Variants in ST6GALNAC5 observed in about 807,000 individuals in gnomAD.
ST6GALNAC5 encodes the protein alpha-N-acetylgalactosaminide alpha-2,6-sialyltransferase 5.
ST6GALNAC5 carries 27 observed loss-of-function variants against 33.6 expected under a neutral mutation model. That is an observed-to-expected ratio of 0.80 (90% CI 0.59 to 1.11). The LOEUF (loss-of-function observed/expected upper bound fraction) is 1.11, where lower values mean the gene tolerates loss of function less well. Among genes scored for constraint, ST6GALNAC5 ranks in the 50% least tolerant of loss-of-function variants. The probability of loss-of-function intolerance (pLI) is 0.00; values close to 1 mark genes in which losing one functional copy is unlikely to be tolerated. For synonymous variants in ST6GALNAC5, 194 were observed against 171.2 expected, an observed-to-expected ratio of 1.13 and a Z score of -1.04; for missense variants, 428 against 454.0, an observed-to-expected ratio of 0.94 and a Z score of 0.52.
chr1:76,873,037 A>G (rs1433062245), intron 2 of ST6GALNAC5, among the ~76,000 whole-genome samples: 1 of 152,238 alleles, frequency 6.6e-6, no homozygotes, highest in African/African-American at 2.4e-5. Context: ...GGTAATTTCA[A>G]GATATCACTA....
At chr1:77,011,390 G>C (rs1199408755) in intron 2 of ST6GALNAC5, among the ~76,000 whole-genome samples, 2 of 152,166 alleles carry the variant, frequency 1.3e-5, no homozygotes, top group African/African-American at 4.8e-5. Flanking sequence ...GAGTCATCGA[G>C]TGCTCATTTG....
At chr1:77,051,443 G>C (rs1401441269) in intron 4 of ST6GALNAC5, among the ~76,000 whole-genome samples, 1 of 152,168 alleles carries the variant, frequency 6.6e-6, no homozygotes, top group Non-Finnish European at 1.5e-5. Context: ...AGGCTGCACA[G>C]GTGTAAAGCC....
At position 76,958,611 on chromosome 1, in the gene ST6GALNAC5, TG is replaced by T. The variant is rs147352743; in HGVS notation, c.262-85592del. 3.9e-3 allele frequency among the ~76,000 whole-genome samples: 591 copies of T among 152,260 alleles called. 4 individuals carry two copies. The highest frequency in any genetic ancestry group is 0.013 in the African/African-American group (560 of 41,550). ...TTGACACAGTGAAGTTTTTTGTTGTTGTTTTTTTGTTTTTTAATAGTAGATG... is the reference window on the plus strand; with the variant it reads ...TTGACACAGTGAAGTTTTTTGTTGTTTTTTTTTGTTTTTTAATAGTAGATG... On this transcript the variant is annotated intron_variant, in intron 2 of 4. Coordinates refer to ENST00000477717, the MANE Select transcript of ST6GALNAC5 (RefSeq NM_030965.3).
intron 2 of ST6GALNAC5, among the ~76,000 whole-genome samples, chr1:76,971,338 G>T (rs1648748809): frequency 6.6e-6 from 1 of 152,160 alleles, no homozygotes; most frequent in South Asian, 2.1e-4. Flanking sequence ...GTTCAGTATA[G>T]CTACCCCCAA....
At chr1:76,950,596 A>G (rs1647704325) in intron 2 of ST6GALNAC5, among the ~76,000 whole-genome samples, 1 of 152,148 alleles carries the variant, frequency 6.6e-6, no homozygotes, top group African/African-American at 2.4e-5. Context: ...AGACATGGGT[A>G]ACAGTTATAT....
At chr1:77,042,394 A>G (rs746731791) in intron 2 of ST6GALNAC5, among the ~76,000 whole-genome samples, 5 of 152,182 alleles carry the variant, frequency 3.3e-5, no homozygotes, top group Non-Finnish European at 5.9e-5. Flanking sequence ...GTAAGCTTTC[A>G]AGGCTATTTG....
chr1:76,894,191 A>G (rs1654074417), intron 2 of ST6GALNAC5, among the ~76,000 whole-genome samples: 1 of 152,140 alleles, frequency 6.6e-6, no homozygotes, highest in South Asian at 2.1e-4. Context: ...TTCTCCCTTG[A>G]CCTTTTTGGA....
intron 2 of ST6GALNAC5, among the ~76,000 whole-genome samples, chr1:77,005,172 G>T (rs1047492066): frequency 1.3e-5 from 2 of 152,272 alleles, no homozygotes; most frequent in Non-Finnish European, 2.9e-5. Flanking sequence ...CTCCAAGCCA[G>T]GTGCGGGATA....
At chr1:76,935,897 A>G (rs1502903) in intron 2 of ST6GALNAC5, among the ~76,000 whole-genome samples, 92,733 of 151,818 alleles carry the variant, frequency 0.61, 28,847 homozygotes, top group African/African-American at 0.71. Context: ...ATGAGCTTAC[A>G]CTGATTAGGC....
rs560649825 is a variant in ST6GALNAC5 at position 77,043,311 on chromosome 1, G to A, written c.262-893G>A. Among the ~76,000 whole-genome samples the A allele has an allele frequency of 3.9e-4, 60 of 152,356 alleles. 1 individual carries two copies. The South Asian group carries it at 0.012, about 30-fold the overall frequency. Reference sequence around the variant, plus strand: ...ACGGGAATGTTTAATTTGTTAGGACGTAGGTGTTTTGAAAGCAAATCATTG... The same window carrying A: ...ACGGGAATGTTTAATTTGTTAGGACATAGGTGTTTTGAAAGCAAATCATTG... On this transcript the variant is annotated intron_variant, in intron 2 of 4. Transcript: ENST00000477717.
chr1:77,062,741 T>C (rs199722), intron 4 of ST6GALNAC5, among the ~76,000 whole-genome samples: 58,584 of 151,978 alleles, frequency 0.39, 12,121 homozygotes, highest in African/African-American at 0.54. Flanking sequence ...GGAGACTGAA[T>C]GTTCTGCAGC....
At chr1:77,020,809 C>T (rs1025364037) in intron 2 of ST6GALNAC5, among the ~76,000 whole-genome samples, 2 of 152,184 alleles carry the variant, frequency 1.3e-5, no homozygotes, top group Non-Finnish European at 2.9e-5. Context: ...TAGATGGAGG[C>T]TGAGGCTGGA....
At chr1:76,920,799 C>A (rs1219042757) in intron 2 of ST6GALNAC5, among the ~76,000 whole-genome samples, 1 of 152,132 alleles carries the variant, frequency 6.6e-6, no homozygotes, top group Non-Finnish European at 1.5e-5. Context: ...CAATCAGATA[C>A]TCTCTTGAAG....
chr1:76,922,728 G>C (rs1647046649), intron 2 of ST6GALNAC5, among the ~76,000 whole-genome samples: 1 of 151,940 alleles, frequency 6.6e-6, no homozygotes, highest in African/African-American at 2.4e-5. Context: ...CTTTGCATAA[G>C]AAACTTTTCA....
At chr1:77,005,161 C>T (rs1326355957) in intron 2 of ST6GALNAC5, among the ~76,000 whole-genome samples, 1 of 152,246 alleles carries the variant, frequency 6.6e-6, no homozygotes, top group African/African-American at 2.4e-5. Flanking sequence ...GGGGTAGTAC[C>T]CTCCAAGCCA....
intron 2 of ST6GALNAC5, among the ~76,000 whole-genome samples, chr1:76,979,229 C>G (rs185709874): frequency 6.6e-6 from 1 of 151,654 alleles, no homozygotes; most frequent in Non-Finnish European, 1.5e-5. Context: ...GCAATCCCTA[C>G]GAAAATACCA....
chr1:76,873,878 G>C (rs1183847124), intron 2 of ST6GALNAC5, among the ~76,000 whole-genome samples: 4 of 152,146 alleles, frequency 2.6e-5, no homozygotes, highest in African/African-American at 9.7e-5. Flanking sequence ...CTTGTTGAAG[G>C]CCTAGTAGTT....
chr1:76,963,285 G>A (rs769783426), intron 2 of ST6GALNAC5, among the ~76,000 whole-genome samples: 7 of 152,142 alleles, frequency 4.6e-5, no homozygotes, highest in South Asian at 4.1e-4. Flanking sequence ...ACCAGCCCAC[G>A]CTTTATTGAT....
At chr1:77,019,891 A>G (rs1407045437) in intron 2 of ST6GALNAC5, among the ~76,000 whole-genome samples, 2 of 152,104 alleles carry the variant, frequency 1.3e-5, no homozygotes, top group Non-Finnish European at 2.9e-5. Context: ...CCAAATTCCT[A>G]TCTTATACTT....
Sources: gnomAD v4.1 joint callset for allele counts (sites outside exome capture counted in the v4.1 genomes callset) on GRCh38, gnomAD v4.1.1 for gene constraint, MANE v1.5 for transcripts, NCBI Gene and HGNC (gene_info 2026-07-23, HGNC 2026-07-21) for gene names.